The following ANKRD22 variants were observed in gnomAD, a reference collection of about 807,000 sequenced individuals.
ANKRD22 encodes ankyrin repeat domain 22.
ANKRD22 carries 24 observed loss-of-function variants against 25.7 expected under a neutral mutation model. The ratio of observed to expected loss-of-function variants is 0.93; its 90% CI spans 0.68 to 1.31. The LOEUF is 1.31. Ranked by LOEUF, ANKRD22 falls within the 50% of genes most tolerant of loss-of-function variation. The probability of loss-of-function intolerance (pLI) is 0.00; values close to 1 mark genes in which losing one functional copy is unlikely to be tolerated. For missense variants in ANKRD22, 214 were observed against 227.1 expected (o/e 0.94, Z 0.37); for synonymous variants, 84 against 84.3 (o/e 1.00, Z 0.02).
At position 88,826,115 on chromosome 10, in the gene ANKRD22, C is replaced by T. The variant is rs1843854106; in HGVS notation, c.322G>A (p.Val108Ile). ...GCCTCATTCTGCTTTGTCTTTGATA[C>T]CTATTACAAATGGTAATTATAAGAA... ...PVLLIGYFLM[V>I]SKTKQNEALV... is the part of the protein sequence containing the mutation. Residue 108 changes from valine (V) to isoleucine (I), a missense_variant and splice_region_variant, in exon 4 of 6, where the codon GTA becomes ATA. Coordinates refer to ENST00000371930, the MANE Select transcript of ANKRD22 (RefSeq NM_144590.3). 6.2e-7 allele frequency: 1 copy of T among 1,604,926 alleles called. No homozygotes were observed. The highest frequency in any genetic ancestry group is 1.7e-5 in the Admixed American group (1 of 58,740).
rs555228772 is a variant in ANKRD22, at chr10:88,838,233, A to C, written c.22-6207T>G. ...TAGAGTTGACTGAGCCTGCCATGTGAGTTTGTGATTTTCTTCAGCAAACCT... is the reference window on the plus strand; with the variant it reads ...TAGAGTTGACTGAGCCTGCCATGTGCGTTTGTGATTTTCTTCAGCAAACCT... On this transcript the variant is annotated intron_variant, in intron 1 of 5. Transcript: ENST00000371930. Among the ~76,000 whole-genome samples, 7 of 152,308 alleles carry C rather than the reference A, an allele frequency of 4.6e-5. No homozygotes were observed. The South Asian group carries it at 1.5e-3, about 32-fold the overall frequency.
chr10:88,826,801 A>C (rs989462949), intron 3 of ANKRD22, among the ~76,000 whole-genome samples: 2 of 152,096 alleles, frequency 1.3e-5, no homozygotes, highest in African/African-American at 4.8e-5. Context: ...GCTTTATGGT[A>C]ATTTTACATG....
At chr10:88,828,464 T>C in intron 3 of ANKRD22, 95 bp downstream of exon 3, 1 of 969,500 alleles carries the variant, frequency 1.0e-6, no homozygotes, top group Middle Eastern at 2.1e-4. Flanking sequence ...TTTTTGTTTT[T>C]ATTTCTTTTC....
In ANKRD22 at chr10:88,823,311, T is replaced by G. The variant is rs771883097; in HGVS notation, c.467A>C (p.Glu156Ala). ...CTTTATTGTGGGGTCTGCACGGGCT[T>G]CCAAGAGCAGAGGGATAAGAGACTG... ...KNQSLIPLLL[E>A]ARADPTIKNK... Residue 156 changes from glutamate (E) to alanine (A), a missense_variant, in exon 5 of 6, where the codon GAA becomes GCA. Coordinates refer to ENST00000371930, the MANE Select transcript of ANKRD22 (RefSeq NM_144590.3). The G allele has an allele frequency of 2.5e-6, 4 of 1,613,898 alleles. No homozygotes were observed. The highest frequency in any genetic ancestry group is 1.7e-5 in the Admixed American group (1 of 60,000).
intron 1 of ANKRD22, among the ~76,000 whole-genome samples, chr10:88,843,917 C>T (rs547147725): frequency 2.0e-4 from 31 of 152,258 alleles, no homozygotes; most frequent in African/African-American, 6.3e-4. Context: ...CCTTTCTCTT[C>T]GGCAACCTGC....
chr10:88,851,525 A>G (rs1471897649), intron 1 of ANKRD22, 62 bp downstream of exon 1: 1 of 1,579,178 alleles, frequency 6.3e-7, no homozygotes, highest in Non-Finnish European at 8.7e-7. Context: ...AGAAAATTGC[A>G]TCTGAAAAGC....
chr10:88,849,294 T>C (rs547157649), intron 1 of ANKRD22, among the ~76,000 whole-genome samples: 236 of 152,270 alleles, frequency 1.5e-3, no homozygotes, highest in Middle Eastern at 3.4e-3. Flanking sequence ...CAGTAGAATG[T>C]ACCTCATTGG....
chr10:88,839,028 C>T (rs1428209028), intron 1 of ANKRD22, among the ~76,000 whole-genome samples: 1 of 152,216 alleles, frequency 6.6e-6, no homozygotes, highest in Non-Finnish European at 1.5e-5. Context: ...ATAGGGCCCA[C>T]TGACTAACTT....
At chr10:88,846,592 AT>A (rs1844051046) in intron 1 of ANKRD22, among the ~76,000 whole-genome samples, 1 of 152,226 alleles carries the variant, frequency 6.6e-6, no homozygotes, top group Admixed American at 6.5e-5. Context: ...ATCACAAAAG[AT>A]GTCCCTGGTG....
At chr10:88,849,353 T>C (rs561148383) in intron 1 of ANKRD22, among the ~76,000 whole-genome samples, 1 of 152,290 alleles carries the variant, frequency 6.6e-6, no homozygotes, top group East Asian at 1.9e-4. Context: ...CAGGGCACCA[T>C]CCTGGTTAGA....
At chr10:88,841,891 C>T (rs989831198) in intron 1 of ANKRD22, among the ~76,000 whole-genome samples, 1 of 152,112 alleles carries the variant, frequency 6.6e-6, no homozygotes, top group African/African-American at 2.4e-5. Context: ...CTTGCATTCC[C>T]TCCAAAAAGC....
intron 1 of ANKRD22, among the ~76,000 whole-genome samples, chr10:88,843,651 A>T (rs1029369300): frequency 2.6e-5 from 4 of 152,176 alleles, no homozygotes; most frequent in African/African-American, 9.7e-5. Flanking sequence ...GTCCAATTAA[A>T]ATAAATTTGA....
chr10:88,830,696 C>T (rs1040335899), intron 2 of ANKRD22, among the ~76,000 whole-genome samples: 32 of 152,216 alleles, frequency 2.1e-4, no homozygotes, highest in Non-Finnish European at 4.0e-4. Flanking sequence ...CTGGCTGAGG[C>T]CCTCCTCTTC....
At position 88,828,643 on chromosome 10, in the gene ANKRD22, A is replaced by G. The variant is rs781716917; in HGVS notation, c.237T>C (p.Tyr79=). Residue 79 remains tyrosine (Y), a synonymous_variant, in exon 3 of 6, where the codon TAT becomes TAC. Coordinates refer to ENST00000371930, the MANE Select transcript of ANKRD22 (RefSeq NM_144590.3). ...TGAAGGTAAATTTTTTCTTCACAGC[A>G]TAATGCAAGCAGGTTCTCTCTTTCT... ...KNQKERTCLH[Y]AVKKKFTFID... The G allele has an allele frequency of 5.6e-6, 9 of 1,606,070 alleles. No homozygotes were observed. Among genetic ancestry groups the G allele is most frequent in the Non-Finnish European group, 7.7e-6 (9 of 1,175,206 alleles).
intron 2 of ANKRD22, among the ~76,000 whole-genome samples, chr10:88,829,430 A>AC (rs1244270408): frequency 6.6e-6 from 1 of 152,224 alleles, no homozygotes; most frequent in Non-Finnish European, 1.5e-5. Context: ...CTGTAAAAAA[A>AC]TTTTAGAAAC....
At chr10:88,841,743 A>C in intron 1 of ANKRD22, among the ~76,000 whole-genome samples, 1 of 152,186 alleles carries the variant, frequency 6.6e-6, no homozygotes, top group Admixed American at 6.5e-5. Context: ...AGAAAAATGA[A>C]ACCAAGTTAA....
chr10:88,835,975 C>A (rs1332222351), intron 1 of ANKRD22, among the ~76,000 whole-genome samples: 5 of 152,112 alleles, frequency 3.3e-5, no homozygotes, highest in Non-Finnish European at 7.4e-5. Context: ...TTGGGGGCAC[C>A]CTGGGTGTAG....
In ANKRD22 at chr10:88,837,814, T is replaced by C. The variant is rs188110086; in HGVS notation, c.22-5788A>G. ...AGTGAATAAGTCTCACTAGATCTGATAGTTTTATACAGGGGAGTTCCCCTA... is the reference window on the plus strand; with the variant it reads ...AGTGAATAAGTCTCACTAGATCTGACAGTTTTATACAGGGGAGTTCCCCTA... On this transcript the variant is annotated intron_variant, in intron 1 of 5. Transcript: ENST00000371930. Among the ~76,000 whole-genome samples, 5 of 152,308 alleles carry C rather than the reference T, an allele frequency of 3.3e-5. No individual in the cohort carries two copies. In the East Asian group the frequency reaches 9.6e-4, roughly 29 times the overall value.
chr10:88,829,097 ATG>A (rs1843882181), intron 2 of ANKRD22, among the ~76,000 whole-genome samples: 1 of 152,202 alleles, frequency 6.6e-6, no homozygotes, highest in African/African-American at 2.4e-5. Context: ...GCTGTTTTTC[ATG>A]TTCCTTCATG....
Sources: gnomAD v4.1 joint callset for allele counts (sites outside exome capture counted in the v4.1 genomes callset) on GRCh38, gnomAD v4.1.1 for gene constraint, MANE v1.5 for transcripts, NCBI Gene and HGNC (gene_info 2026-07-23, HGNC 2026-07-21) for gene names.